Variants in PAX6 observed in about 807,000 individuals in gnomAD.
PAX6 encodes the protein paired box 6.
Under a neutral mutation model 60.7 loss-of-function variants are expected in PAX6, and 7 were observed. The ratio of observed to expected loss-of-function variants is 0.12; its 90% CI spans 0.07 to 0.22. The LOEUF (loss-of-function observed/expected upper bound fraction) is 0.22, where lower values mean the gene tolerates loss of function less well. Ranked by LOEUF, PAX6 falls within the 10% of genes least tolerant of loss-of-function variation. The pLI is 1.00. For missense variants in PAX6, 355 were observed against 555.2 expected (o/e 0.64, Z 3.62); for synonymous variants, 208 against 201.2 (o/e 1.03, Z -0.29).
chr11:31,799,235 G>A (rs967351174), intron 8 of PAX6, among the ~76,000 whole-genome samples: 1 of 152,120 alleles, frequency 6.6e-6, no homozygotes, highest in Non-Finnish European at 1.5e-5. Context: ...CCAGAGGCGG[G>A]AGCGGGCCTG....
chr11:31,804,932 CA>C (rs1955315021), intron 4 of PAX6: 1 of 152,404 alleles, frequency 6.6e-6, no homozygotes, highest in South Asian at 2.1e-4. Flanking sequence ...ATCGAAATGG[CA>C]GAGAGAAAGC....
intron 1 of PAX6, among the ~76,000 whole-genome samples, chr11:31,817,650 C>G (rs558246637): frequency 1.2e-4 from 19 of 152,384 alleles, no homozygotes; most frequent in Non-Finnish European, 2.1e-4. Flanking sequence ...CTATCCCTCC[C>G]TCAGTAACTC....
In PAX6 at chr11:31,801,547, C is replaced by A. The variant is rs3026375; in HGVS notation, c.399+14G>T. ...GCTTAGGGCAGGGAGGGCAGATGTTCTCAATGAACTTACGCTTGGTATGTT... is the reference window on the plus strand; with the variant it reads ...GCTTAGGGCAGGGAGGGCAGATGTTATCAATGAACTTACGCTTGGTATGTT... On this transcript the variant is annotated intron_variant, in intron 7 of 13. Transcript: ENST00000640368. 6.2e-7 allele frequency: 1 copy of A among 1,614,124 alleles called. No individual in the cohort carries two copies. The highest frequency in any genetic ancestry group is 8.5e-7 in the Non-Finnish European group (1 of 1,180,036).
intron 5 of PAX6, chr11:31,802,382 T>C (rs1457051463): frequency 2.0e-5 from 7 of 358,310 alleles, no homozygotes; most frequent in Non-Finnish European, 3.5e-5. Context: ...ACTCAGCTTA[T>C]TACGGTTCAT....
At position 31,802,351 on chromosome 11, in the gene PAX6, G is replaced by A. The variant is rs3026374; in HGVS notation, c.141+353C>T. ...AAGCATGGGCTGGGGAGAGCAGAAT[G>A]AAATTATGCCGGTTTATATAACTCA... On this transcript the variant is annotated intron_variant, in intron 5 of 13. Coordinates refer to ENST00000640368, the MANE Select transcript of PAX6 (RefSeq NM_001368894.2). 397 of 322,890 alleles carry A rather than the reference G, an allele frequency of 1.2e-3. 5 individuals carry two copies. The highest frequency in any genetic ancestry group is 9.2e-3 in the Middle Eastern group (10 of 1,082). 20.0% of individuals were successfully genotyped at this position (322,890 alleles called of 1,614,324 possible). A position where few individuals can be genotyped will look rare whatever the true frequency, so the allele number is the denominator to read the frequency against.
At chr11:31,801,937 AT>A in intron 5 of PAX6, 25 bp from the exon 6 acceptor site, 1 of 1,596,822 alleles carries the variant, frequency 6.3e-7, no homozygotes, top group Non-Finnish European at 8.6e-7. Flanking sequence ...TATACCTTCA[AT>A]GGTATGAGAA....
rs185996251 is a variant in PAX6, at chr11:31,789,057, T to C, written c.*877A>G. On this transcript the variant is annotated 3_prime_UTR_variant, in exon 14 of 14. Coordinates refer to ENST00000640368, the MANE Select transcript of PAX6 (RefSeq NM_001368894.2). ...ACTCTTGCAAGCACTTTTAATTGAT[T>C]AGGAATGAACTCTAGATGCACAAAA... 103 of 202,576 alleles carry C rather than the reference T, an allele frequency of 5.1e-4. No homozygotes were observed. Among genetic ancestry groups the C allele is most frequent in the African/African-American group, 2.2e-3 (97 of 43,822 alleles). The allele number at this position is 202,576 out of a possible 1,614,324, so 12.5% of individuals were successfully genotyped here.
rs1554983592 is a variant in PAX6, at chr11:31,794,801, G to T, written c.566-13C>A. On this transcript the variant is annotated splice_polypyrimidine_tract_variant and intron_variant, in intron 8 of 13. Transcript: ENST00000640368. ...TGCTGGCAGCCATCTGGAACAAAAA[G>T]AATAGGATGGTAAGAGAAATTTGGA... The T allele has an allele frequency of 2.5e-6, 4 of 1,614,016 alleles. No homozygotes were observed. The highest frequency in any genetic ancestry group is 3.4e-6 in the Non-Finnish European group (4 of 1,179,898).
chr11:31,806,133 G>T, intron 4 of PAX6: 1 of 482,070 alleles, frequency 2.1e-6, no homozygotes, highest in East Asian at 3.5e-5. Flanking sequence ...ATTTGGGGGG[G>T]ATGGGGTTTC....
intron 8 of PAX6, among the ~76,000 whole-genome samples, chr11:31,797,507 G>A (rs1270074333): frequency 5.3e-4 from 54 of 101,362 alleles, no homozygotes; most frequent in African/African-American, 6.1e-4. Context: ...TTTAAATCTG[G>A]AAAAAAAAAA....
intron 8 of PAX6, among the ~76,000 whole-genome samples, chr11:31,799,605 G>A (rs1952872789): frequency 6.6e-6 from 1 of 152,144 alleles, no homozygotes; most frequent in Admixed American, 6.5e-5. Flanking sequence ...AAATTCTTGC[G>A]AGTGACAGAA....
chr11:31,813,616 A>C (rs1957237420), upstream of PAX6, among the ~76,000 whole-genome samples: 1 of 152,074 alleles, frequency 6.6e-6, no homozygotes, highest in South Asian at 2.1e-4. Context: ...AAAAATCAGA[A>C]AAGGCAAGGA....
At chr11:31,811,738 G>A (rs182250403), upstream of PAX6, 1 of 81,042 alleles carries the variant, frequency 1.2e-5, no homozygotes, top group East Asian at 3.3e-4. Context: ...CCCCGCCCCC[G>A]CCCGCCCCCA....
intron 13 of PAX6, chr11:31,790,447 C>A: frequency 7.4e-7 from 1 of 1,344,032 alleles, no homozygotes; most frequent in Non-Finnish European, 9.6e-7. Flanking sequence ...AATAATCTGT[C>A]CTCAGAAAAC....
upstream of PAX6, chr11:31,812,285 G>A (rs1957121415): frequency 7.2e-6 from 1 of 139,220 alleles, no homozygotes; most frequent in South Asian, 2.3e-4. Flanking sequence ...ATGCTGGGAG[G>A]GATTCTCTCT....
intron 10 of PAX6, 63 bp downstream of exon 10, chr11:31,793,958 TACAAGCACCTC>T: frequency 7.9e-7 from 1 of 1,259,198 alleles, no homozygotes; most frequent in South Asian, 1.2e-5. Context: ...TAGTACTCTG[TACAAGCACCTC>T]TGTCTCTAGG....
chr11:31,795,170 ATT>A (rs1951135559), intron 8 of PAX6, among the ~76,000 whole-genome samples: 2 of 152,356 alleles, frequency 1.3e-5, no homozygotes, highest in South Asian at 4.1e-4. Context: ...GATGTTCAAG[ATT>A]TCAGTTGATC....
intron 12 of PAX6, chr11:31,792,323 T>C (rs1392862537): frequency 6.6e-6 from 1 of 152,254 alleles, no homozygotes; most frequent in Non-Finnish European, 1.5e-5. Flanking sequence ...TCAATTGCAC[T>C]ATGGCCAACA....
At chr11:31,797,799 G>A (rs1952104536) in intron 8 of PAX6, among the ~76,000 whole-genome samples, 1 of 152,200 alleles carries the variant, frequency 6.6e-6, no homozygotes, top group Non-Finnish European at 1.5e-5. Flanking sequence ...ATAAACCTAA[G>A]TGGTGGACAA....
Sources: allele counts gnomAD v4.1 joint callset (sites outside exome capture counted in the v4.1 genomes callset), GRCh38; gene constraint gnomAD v4.1.1; transcripts MANE v1.5; gene names NCBI Gene and HGNC (gene_info 2026-07-23, HGNC 2026-07-21).